Variants in LINGO2 observed in about 807,000 individuals in gnomAD.
LINGO2 encodes the protein leucine-rich repeat and immunoglobulin-like domain-containing nogo receptor-interacting protein 2.
A neutral mutation model predicts 30.6 loss-of-function variants in LINGO2; 14 were observed. The ratio of observed to expected loss-of-function variants is 0.46; its 90% CI spans 0.30 to 0.72. The LOEUF is 0.72. Among genes scored for constraint, LINGO2 ranks in the 30% least tolerant of loss-of-function variants. The pLI, the probability that LINGO2 is intolerant of heterozygous loss-of-function variation, is 0.07. For synonymous variants in LINGO2, 317 were observed against 288.5 expected (o/e 1.10, Z -1.00); for missense variants, 729 against 751.7 (o/e 0.97, Z 0.35).
chr9:28,158,453 A>G (rs1428494729), intron 4 of LINGO2, among the ~76,000 whole-genome samples: 2 of 152,172 alleles, frequency 1.3e-5, no homozygotes, highest in African/African-American at 4.8e-5. Context: ...GTGGGCTCTT[A>G]AAGTTGGTTG....
the LINGO2 span, among the ~76,000 whole-genome samples, chr9:29,173,236 T>C: frequency 6.6e-6 from 1 of 152,062 alleles, no homozygotes; most frequent in Non-Finnish European, 1.5e-5. Context: ...GTCAACTCAG[T>C]TGACATTTCT....
chr9:28,346,552 C>T (rs1819578723), intron 3 of LINGO2, among the ~76,000 whole-genome samples: 1 of 152,126 alleles, frequency 6.6e-6, no homozygotes, highest in African/African-American at 2.4e-5. Context: ...GGGTACATAT[C>T]CAGTAATAAG....
chr9:28,073,693 T>A (rs1249911402), intron 4 of LINGO2, among the ~76,000 whole-genome samples: 2 of 152,182 alleles, frequency 1.3e-5, no homozygotes, highest in African/African-American at 4.8e-5. Context: ...TCTTTATCTC[T>A]GAGTTTTCCC....
chr9:28,719,332 G>C, the LINGO2 span, among the ~76,000 whole-genome samples: 2 of 151,992 alleles, frequency 1.3e-5, no homozygotes, highest in African/African-American at 4.8e-5. Context: ...GGAACTAATT[G>C]TTTTATCTTT....
At chr9:28,102,295 T>A (rs1046990893) in intron 4 of LINGO2, among the ~76,000 whole-genome samples, 32 of 152,098 alleles carry the variant, frequency 2.1e-4, no homozygotes, top group Middle Eastern at 3.4e-3. Context: ...AACTAGTAAC[T>A]TGGAAGGCTG....
At chr9:28,364,267 C>T (rs1820572760) in intron 3 of LINGO2, among the ~76,000 whole-genome samples, 1 of 151,528 alleles carries the variant, frequency 6.6e-6, no homozygotes, top group African/African-American at 2.4e-5. Context: ...ATTCAACATT[C>T]TTTTTTGCAA....
the LINGO2 span, among the ~76,000 whole-genome samples, chr9:29,203,581 A>T: frequency 6.6e-6 from 1 of 152,188 alleles, no homozygotes; most frequent in South Asian, 2.1e-4. Flanking sequence ...ATCCAATCAC[A>T]CTAATGTTAC....
chr9:28,675,673 C>T, the LINGO2 span, among the ~76,000 whole-genome samples: 1 of 151,612 alleles, frequency 6.6e-6, no homozygotes, highest in Non-Finnish European at 1.5e-5. Flanking sequence ...GAGTTTGAGA[C>T]CAGCCTGGAC....
chr9:28,994,064 G>A, the LINGO2 span, among the ~76,000 whole-genome samples: 2 of 151,780 alleles, frequency 1.3e-5, no homozygotes, highest in East Asian at 3.9e-4. Context: ...GTTAGGAAAA[G>A]AGGAAGTCAA....
At chr9:28,880,110 CT>C in the LINGO2 span, among the ~76,000 whole-genome samples, 3 of 152,088 alleles carry the variant, frequency 2.0e-5, no homozygotes, top group Non-Finnish European at 4.4e-5. Flanking sequence ...GAAGAATATT[CT>C]TTTTTTCTCT....
In LINGO2 at chr9:28,338,475, T is replaced by C. The variant is rs190761805; in HGVS notation, c.-246+34361A>G. Among the ~76,000 whole-genome samples the C allele has an allele frequency of 3.1e-3, 469 of 152,264 alleles. 1 individual carries two copies. The highest frequency in any genetic ancestry group is 4.4e-3 in the Non-Finnish European group (298 of 68,004). ...ACTTTGGGGAACTGTTGGAAGGCCA[T>C]GATTGTCTTTTGAAATGTGAGGACA... On this transcript the variant is annotated intron_variant, in intron 3 of 5. Transcript: ENST00000379992.
the LINGO2 span, among the ~76,000 whole-genome samples, chr9:28,875,242 T>C: frequency 1.3e-5 from 2 of 152,096 alleles, no homozygotes; most frequent in African/African-American, 4.8e-5. Context: ...TTTACCTGTA[T>C]ACAACACTAA....
intron 4 of LINGO2, among the ~76,000 whole-genome samples, chr9:28,020,218 C>A (rs1305102370): frequency 6.6e-6 from 1 of 152,138 alleles, no homozygotes; most frequent in African/African-American, 2.4e-5. Flanking sequence ...AGAGCACAGC[C>A]TTTCCTTTTA....
intron 1 of LINGO2, among the ~76,000 whole-genome samples, chr9:28,545,256 A>G (rs1320868062): frequency 1.3e-5 from 2 of 152,086 alleles, no homozygotes; most frequent in African/African-American, 2.4e-5. Flanking sequence ...TTTAATTAAG[A>G]AGAGTTCCAT....
the LINGO2 span, among the ~76,000 whole-genome samples, chr9:29,147,655 T>C: frequency 6.6e-6 from 1 of 152,216 alleles, no homozygotes; most frequent in East Asian, 1.9e-4. Context: ...CTCATAAACA[T>C]ACCCTTCATA....
chr9:28,137,226 C>CAA (rs1554677429), intron 4 of LINGO2, among the ~76,000 whole-genome samples: 1 of 149,764 alleles, frequency 6.7e-6, no homozygotes, highest in East Asian at 1.9e-4. Context: ...CACACACACA[C>CAA]AAATTGGTTT....
chr9:29,179,761 T>TA, the LINGO2 span, among the ~76,000 whole-genome samples: 5 of 152,218 alleles, frequency 3.3e-5, no homozygotes, highest in African/African-American at 1.2e-4. Flanking sequence ...ATATATATCC[T>TA]AAAAAATGTA....
the LINGO2 span, among the ~76,000 whole-genome samples, chr9:28,719,249 T>G: frequency 3.3e-5 from 5 of 152,120 alleles, no homozygotes; most frequent in Admixed American, 3.3e-4. Flanking sequence ...TCCTCTCTCT[T>G]AGCTCTTTCT....
At chr9:28,457,838 C>G (rs776093165) in intron 2 of LINGO2, among the ~76,000 whole-genome samples, 2 of 152,108 alleles carry the variant, frequency 1.3e-5, no homozygotes, top group Non-Finnish European at 2.9e-5. Context: ...CTTTTCTTTC[C>G]TGTCATTGCT....
Sources: gnomAD v4.1 joint callset for allele counts (sites outside exome capture counted in the v4.1 genomes callset) on GRCh38, gnomAD v4.1.1 for gene constraint, MANE v1.5 for transcripts, NCBI Gene and HGNC (gene_info 2026-07-23, HGNC 2026-07-21) for gene names.